FYN: variants seen among roughly 807,000 people sequenced by gnomAD.
The protein encoded by FYN is FYN proto-oncogene, Src family tyrosine kinase, also known as tyrosine-protein kinase Fyn.
FYN carries 10 observed loss-of-function variants against 70.2 expected under a neutral mutation model. The observed-to-expected ratio is 0.14, with a 90% CI of 0.09 to 0.24. The LOEUF (loss-of-function observed/expected upper bound fraction) is 0.24, where lower values mean the gene tolerates loss of function less well. Among genes scored for constraint, FYN ranks in the 10% least tolerant of loss-of-function variants. The pLI, the probability that FYN is intolerant of heterozygous loss-of-function variation, is 1.00. For synonymous variants in FYN, 236 were observed against 248.6 expected (o/e 0.95, Z 0.48); for missense variants, 319 against 673.1 (o/e 0.47, Z 5.82).
chr6:111,826,358 G>A (rs1772834951), intron 2 of FYN, among the ~76,000 whole-genome samples: 1 of 151,908 alleles, frequency 6.6e-6, no homozygotes, highest in Non-Finnish European at 1.5e-5. Context: ...TTCTATATAT[G>A]TGTATATGTG....
In FYN at chr6:111,841,778, A is replaced by AT. The variant is rs80041109; in HGVS notation, c.-82+4810dup. ...AAATTTAGAATGTCTAGGAAGAGGGATTTTTTTTTTTTTTTGGAAATTCAA... is the reference window on the plus strand; with the variant it reads ...AAATTTAGAATGTCTAGGAAGAGGGATTTTTTTTTTTTTTTTGGAAATTCAA... On this transcript the variant is annotated intron_variant, in intron 2 of 13. Transcript: ENST00000354650. Among the ~76,000 whole-genome samples, 1,026 of 140,770 alleles carry AT rather than the reference A, an allele frequency of 7.3e-3. 5 individuals carry two copies. Among genetic ancestry groups the AT allele is most frequent in the South Asian group, 0.015 (64 of 4,360 alleles). The allele number at this position is 140,770 out of a possible 152,430, so 92.4% of individuals were successfully genotyped here.
At chr6:111,851,893 T>C (rs1392083459) in intron 1 of FYN, among the ~76,000 whole-genome samples, 1 of 111,332 alleles carries the variant, frequency 9.0e-6, no homozygotes, top group Non-Finnish European at 1.8e-5. Context: ...AAATCTTCCC[T>C]TTTTTTTTTT....
chr6:111,724,564 C>T (rs1049208004), intron 3 of FYN, among the ~76,000 whole-genome samples: 1 of 152,140 alleles, frequency 6.6e-6, no homozygotes, highest in African/African-American at 2.4e-5. Context: ...GAGCTAGGTA[C>T]CAAAATGGGA....
intron 1 of FYN, among the ~76,000 whole-genome samples, chr6:111,849,472 G>A (rs1583492387): frequency 6.6e-6 from 1 of 152,206 alleles, no homozygotes; most frequent in East Asian, 1.9e-4. Flanking sequence ...GGCAGTGCAG[G>A]CAAAGCAACC....
Position 111,846,631 on chromosome 6 carries a change from TGTA to T in FYN, c.-122-5_-122-3del, listed in dbSNP as rs1159651205. 1.0e-5 allele frequency: 4 copies of T among 398,664 alleles called. No homozygotes were observed. Among genetic ancestry groups the T allele is most frequent in the Non-Finnish European group, 1.8e-5 (4 of 225,998 alleles). The allele number at this position is 398,664 out of a possible 1,614,324, so 24.7% of individuals were successfully genotyped here. The stretch of plus-strand genomic sequence containing the variant: ...CAGCATCCTGCTTCTTCAAAAAAAC[TGTA>T]GAAGAAGAAAAAAAAAAGTGAGACA... On this transcript the variant is annotated splice_polypyrimidine_tract_variant and splice_region_variant and intron_variant, in intron 1 of 13. Coordinates refer to ENST00000354650, the MANE Select transcript of FYN (RefSeq NM_002037.5).
chr6:111,777,558 C>T (rs1451129127), intron 3 of FYN, among the ~76,000 whole-genome samples: 1 of 152,108 alleles, frequency 6.6e-6, no homozygotes, highest in East Asian at 1.9e-4. Context: ...CTAGATGCCA[C>T]TAGCACACAC....
intron 5 of FYN, among the ~76,000 whole-genome samples, chr6:111,708,496 G>A (rs934053670): frequency 1.3e-5 from 2 of 152,152 alleles, no homozygotes; most frequent in Non-Finnish European, 2.9e-5. Context: ...CATTAGAAAT[G>A]TTAACATCTT....
intron 2 of FYN, among the ~76,000 whole-genome samples, chr6:111,831,774 C>T (rs567691538): frequency 6.6e-6 from 1 of 152,208 alleles, no homozygotes; most frequent in East Asian, 1.9e-4. Flanking sequence ...TTTTACAATC[C>T]TAACAATAGA....
intron 2 of FYN, among the ~76,000 whole-genome samples, chr6:111,802,137 T>A (rs865983912): frequency 4.9e-4 from 75 of 152,264 alleles, no homozygotes; most frequent in African/African-American, 1.6e-3. Context: ...GGGAGGTGAC[T>A]GGATCATGGG....
intron 3 of FYN, among the ~76,000 whole-genome samples, chr6:111,737,538 G>A (rs114206993): frequency 0.016 from 2,405 of 152,300 alleles, 54 homozygotes; most frequent in African/African-American, 0.05. Context: ...ATGAAGGAAA[G>A]GGCGTGGAGC....
chr6:111,803,766 T>C (rs551442969), intron 2 of FYN, among the ~76,000 whole-genome samples: 2 of 152,290 alleles, frequency 1.3e-5, no homozygotes, highest in East Asian at 3.9e-4. Flanking sequence ...ATGAAACAAC[T>C]TGCCAAGGAT....
At position 111,814,637 on chromosome 6, in the gene FYN, C is replaced by T. The variant is rs1169629279; in HGVS notation, c.-82+31952G>A. 2.0e-5 allele frequency among the ~76,000 whole-genome samples: 3 copies of T among 152,072 alleles called. No homozygotes were observed. In the East Asian group the frequency reaches 5.8e-4, roughly 29 times the overall value. On this transcript the variant is annotated intron_variant, in intron 2 of 13. Transcript: ENST00000354650. ...TTATATAAACCTAAATTATGAATTTCACCCAGTGGCAAAGATATTTTCAAG... is the reference window on the plus strand; with the variant it reads ...TTATATAAACCTAAATTATGAATTTTACCCAGTGGCAAAGATATTTTCAAG...
At chr6:111,718,068 T>C (rs1317620362) in intron 4 of FYN, among the ~76,000 whole-genome samples, 1 of 152,210 alleles carries the variant, frequency 6.6e-6, no homozygotes, top group Non-Finnish European at 1.5e-5. Flanking sequence ...CATGACCAGA[T>C]TCCCTTCTTT....
At chr6:111,810,556 C>G (rs988444823) in intron 2 of FYN, among the ~76,000 whole-genome samples, 2 of 152,300 alleles carry the variant, frequency 1.3e-5, no homozygotes, top group Admixed American at 1.3e-4. Context: ...AACTCTAACC[C>G]CTTGAAAAAT....
intron 3 of FYN, among the ~76,000 whole-genome samples, chr6:111,774,085 C>T (rs1463075790): frequency 1.3e-5 from 2 of 152,192 alleles, no homozygotes; most frequent in Non-Finnish European, 2.9e-5. Context: ...AGACAGTACT[C>T]TCTCTCACAC....
At chr6:111,853,780 G>T (rs1381130810) in intron 1 of FYN, among the ~76,000 whole-genome samples, 1 of 152,086 alleles carries the variant, frequency 6.6e-6, no homozygotes, top group Admixed American at 6.6e-5. Context: ...CATCATGACA[G>T]GCTAATTTTC....
At chr6:111,677,748 C>T (rs1798595244) in intron 12 of FYN, among the ~76,000 whole-genome samples, 1 of 152,120 alleles carries the variant, frequency 6.6e-6, no homozygotes, top group South Asian at 2.1e-4. Flanking sequence ...TCAAAGTGGT[C>T]TTCTAAGTAG....
At chr6:111,799,356 A>G (rs1771911234) in intron 2 of FYN, among the ~76,000 whole-genome samples, 1 of 152,188 alleles carries the variant, frequency 6.6e-6, no homozygotes, top group Non-Finnish European at 1.5e-5. Flanking sequence ...TAAAAATTAG[A>G]AGATGAGGTG....
chr6:111,826,896 T>C (rs531568303), intron 2 of FYN, among the ~76,000 whole-genome samples: 7 of 152,168 alleles, frequency 4.6e-5, no homozygotes, highest in African/African-American at 7.2e-5. Flanking sequence ...TTTGATAAAA[T>C]CACAAACCTA....
Sources: gnomAD v4.1 joint callset for allele counts (sites outside exome capture counted in the v4.1 genomes callset) on GRCh38, gnomAD v4.1.1 for gene constraint, MANE v1.5 for transcripts, NCBI Gene and HGNC (gene_info 2026-07-23, HGNC 2026-07-21) for gene names.